The following DPP6 variants were observed in gnomAD, a reference collection of about 807,000 sequenced individuals.
The protein encoded by DPP6 is dipeptidyl peptidase like 6.
DPP6 carries 69 observed loss-of-function variants against 122.6 expected under a neutral mutation model. That is an observed-to-expected ratio of 0.56 (90% CI 0.46 to 0.69). The LOEUF is 0.69. Ranked by LOEUF, DPP6 falls within the 30% of genes least tolerant of loss-of-function variation. The probability of loss-of-function intolerance (pLI) is 0.00; values close to 1 mark genes in which losing one functional copy is unlikely to be tolerated. For missense variants in DPP6, 928 were observed against 1,116.9 expected (o/e 0.83, Z 2.41); for synonymous variants, 418 against 433.1 (o/e 0.97, Z 0.43).
rs1823313219 is a variant in DPP6, at chr7:154,481,633, G to C, written c.457+6596G>C. Among the ~76,000 whole-genome samples, 1 of 151,920 alleles carries C rather than the reference G, an allele frequency of 6.6e-6. No individual in the cohort carries two copies. Among genetic ancestry groups the C allele is most frequent in the Non-Finnish European group, 1.5e-5 (1 of 68,014 alleles). On this transcript the variant is annotated intron_variant, in intron 3 of 25. Transcript: ENST00000377770. The surrounding 1 kb of genome is among the most constrained non-coding windows in gnomAD (Gnocchi z 4.2). ...AAACTTTGCCTACGTGAACTTCTTT[G>C]GATTGCTTCAGAAGTCCATCTTCTT... is the stretch of plus-strand genomic sequence containing the variant.
At chr7:154,411,676 A>C (rs572624002) in intron 1 of DPP6, among the ~76,000 whole-genome samples, 3 of 152,060 alleles carry the variant, frequency 2.0e-5, no homozygotes, top group African/African-American at 7.2e-5. Flanking sequence ...ACATTTATGA[A>C]CTCTGTTTTC....
intron 1 of DPP6, among the ~76,000 whole-genome samples, chr7:154,306,048 T>G (rs1025542876): frequency 2.6e-5 from 4 of 152,180 alleles, no homozygotes; most frequent in African/African-American, 9.7e-5. Flanking sequence ...AAAGGACTTT[T>G]CTTTGGATAC....
intron 3 of DPP6, among the ~76,000 whole-genome samples, chr7:154,477,549 G>A (rs1004511956): frequency 2.0e-5 from 3 of 151,022 alleles, no homozygotes; most frequent in South Asian, 2.1e-4. Flanking sequence ...AAAAGTATAT[G>A]TAGAGATGTG....
At chr7:154,014,938 C>T (rs781175032) in intron 1 of DPP6, among the ~76,000 whole-genome samples, 33 of 152,094 alleles carry the variant, frequency 2.2e-4, no homozygotes, top group Non-Finnish European at 2.4e-4. Context: ...TTATTAAACT[C>T]ATTCCTTCTG....
At chr7:154,613,619 CAAAAAAAAAAAAAAAAA>C (rs749561005) in intron 5 of DPP6, among the ~76,000 whole-genome samples, 6 of 51,848 alleles carry the variant, frequency 1.2e-4, no homozygotes, top group African/African-American at 4.6e-4. Flanking sequence ...GACTCTGTCT[CAAAAAAAAAAAAAAAAA>C]AAAAAAAAAA....
chr7:154,058,059 T>C (rs1393289102), intron 1 of DPP6: 2 of 143,366 alleles, frequency 1.4e-5, no homozygotes, highest in African/African-American at 2.6e-5. Flanking sequence ...CCCCCCTGAC[T>C]CTTGGGACTC....
chr7:154,070,681 G>A (rs200421534), intron 1 of DPP6, among the ~76,000 whole-genome samples: 3,758 of 151,980 alleles, frequency 0.025, 87 homozygotes, highest in Non-Finnish European at 0.032. Flanking sequence ...AAACAAAGAC[G>A]GCCCTCTGTT....
chr7:154,784,398 G>T (rs1286650072), intron 10 of DPP6, among the ~76,000 whole-genome samples: 2 of 152,106 alleles, frequency 1.3e-5, no homozygotes, highest in East Asian at 1.9e-4. Context: ...AGCAAAGCCC[G>T]CAGAGAGCTC....
In DPP6 at chr7:153,914,682, A is replaced by T. The variant is rs138820969; in HGVS notation, c.51+26948A>T. ...TCTCATGAGTTTATTTTGAATGTGG[A>T]TCTTCTTGGAAAAGTAACTGATTCC... On this transcript the variant is annotated intron_variant, in intron 1 of 25. Transcript: ENST00000404039. Among the ~76,000 whole-genome samples the T allele has an allele frequency of 5.9e-5, 9 of 152,336 alleles. No homozygotes were observed. In the East Asian group the frequency reaches 1.7e-3, roughly 29 times the overall value.
chr7:154,882,776 G>T (rs1321675797), intron 21 of DPP6, among the ~76,000 whole-genome samples: 1 of 152,164 alleles, frequency 6.6e-6, no homozygotes, highest in African/African-American at 2.4e-5. Flanking sequence ...AGAATGACAA[G>T]TAAGGACGTG....
rs1288270718 is a variant in DPP6, at chr7:154,794,291, C to T, written c.1260+89C>T. The stretch of plus-strand genomic sequence containing the variant: ...GTGGCGCCAGAGTCGTCTCAGCCCT[C>T]GGGCCTGGGACTTGGGGACCGGCCG... On this transcript the variant is annotated intron_variant, in intron 11 of 25. Coordinates refer to ENST00000377770, the MANE Select transcript of DPP6 (RefSeq NM_130797.4). The T allele has an allele frequency of 4.2e-6, 6 of 1,444,684 alleles. No homozygotes were observed. The African/African-American group carries it at 4.3e-5, about 10-fold the overall frequency. 89.5% of individuals were successfully genotyped at this position (1,444,684 alleles called of 1,614,324 possible).
chr7:154,515,346 T>G (rs973199287), intron 3 of DPP6, among the ~76,000 whole-genome samples: 11 of 152,214 alleles, frequency 7.2e-5, no homozygotes, highest in African/African-American at 2.2e-4. Flanking sequence ...CTGTCCTCCC[T>G]GGTGTGCTTT....
At chr7:154,045,658 A>G (rs1799984491) in intron 1 of DPP6, among the ~76,000 whole-genome samples, 1 of 152,242 alleles carries the variant, frequency 6.6e-6, no homozygotes, top group Non-Finnish European at 1.5e-5. Context: ...TTTGCAAGCT[A>G]GTGGTTTCTA....
At chr7:154,074,554 A>T (rs1042897308) in intron 1 of DPP6, among the ~76,000 whole-genome samples, 1 of 152,236 alleles carries the variant, frequency 6.6e-6, no homozygotes, top group African/African-American at 2.4e-5. Context: ...CAACTTTCCA[A>T]TATAAATTCA....
At chr7:153,749,923 C>T in the DPP6 span, among the ~76,000 whole-genome samples, 1 of 152,174 alleles carries the variant, frequency 6.6e-6, no homozygotes, top group Non-Finnish European at 1.5e-5. The surrounding 1 kb of genome is among the most constrained non-coding windows in gnomAD (Gnocchi z 4.1). Context: ...TGAATTTATG[C>T]TTTACTCTGT....
intron 6 of DPP6, among the ~76,000 whole-genome samples, chr7:154,652,653 C>T (rs1836952507): frequency 6.6e-6 from 1 of 152,104 alleles, no homozygotes; most frequent in African/African-American, 2.4e-5. Flanking sequence ...CATGTCCCTG[C>T]TGCGTCCCTG....
intron 1 of DPP6, among the ~76,000 whole-genome samples, chr7:154,357,982 C>T (rs937939710): frequency 2.6e-5 from 4 of 151,712 alleles, no homozygotes; most frequent in Non-Finnish European, 5.9e-5. Context: ...AAATCTTTCT[C>T]GGAAGTGCTC....
intron 1 of DPP6, among the ~76,000 whole-genome samples, chr7:154,300,948 T>G (rs1482548254): frequency 6.6e-6 from 1 of 152,134 alleles, no homozygotes; most frequent in East Asian, 1.9e-4. Context: ...GGGCCCTAAT[T>G]TAATATGGCT....
chr7:154,037,402 T>G (rs1300837912), intron 1 of DPP6, among the ~76,000 whole-genome samples: 1 of 151,538 alleles, frequency 6.6e-6, no homozygotes, highest in Non-Finnish European at 1.5e-5. Context: ...CACATGTATT[T>G]TTCAGGGGTT....
Sources: gnomAD v4.1 joint callset for allele counts (sites outside exome capture counted in the v4.1 genomes callset) on GRCh38, gnomAD v4.1.1 for gene constraint, Gnocchi (gnomAD v3.1) non-coding constraint, MANE v1.5 for transcripts, NCBI Gene and HGNC (gene_info 2026-07-23, HGNC 2026-07-21) for gene names.